Variants in LRP1B observed in about 807,000 individuals in gnomAD.
LRP1B encodes the protein low-density lipoprotein receptor-related protein 1B.
Under a neutral mutation model 556.6 loss-of-function variants are expected in LRP1B, and 217 were observed. The observed-to-expected ratio is 0.39, with a 90% CI of 0.35 to 0.44. LRP1B has a LOEUF of 0.44. Among genes scored for constraint, LRP1B ranks in the 20% least tolerant of loss-of-function variants. LRP1B has a pLI of 1.00. For synonymous variants in LRP1B, 2,047 were observed against 1,865.8 expected (o/e 1.10, Z -2.50); for missense variants, 5,053 against 5,620.8 (o/e 0.90, Z 3.23).
chr2:141,994,601 G>A (rs1458009762), intron 1 of LRP1B, among the ~76,000 whole-genome samples: 2 of 152,092 alleles, frequency 1.3e-5, no homozygotes, highest in Non-Finnish European at 2.9e-5. Context: ...AAGGAATGGT[G>A]AGTGCAAGAG....
intron 35 of LRP1B, among the ~76,000 whole-genome samples, chr2:140,747,100 G>A (rs1404174328): frequency 6.6e-6 from 1 of 152,132 alleles, no homozygotes; most frequent in Non-Finnish European, 1.5e-5. Context: ...TTCTATGGCT[G>A]TGTAATAAAC....
intron 1 of LRP1B, among the ~76,000 whole-genome samples, chr2:141,840,149 T>C (rs1003475682): frequency 1.3e-5 from 2 of 152,082 alleles, no homozygotes; most frequent in African/African-American, 4.8e-5. Flanking sequence ...TAAGGTAGAT[T>C]TGAAAACTGA....
intron 1 of LRP1B, among the ~76,000 whole-genome samples, chr2:141,896,665 T>C (rs1699461293): frequency 6.6e-6 from 1 of 152,202 alleles, no homozygotes; most frequent in South Asian, 2.1e-4. Flanking sequence ...GGCATCATAA[T>C]TAGCTGCCCA....
intron 2 of LRP1B, among the ~76,000 whole-genome samples, chr2:141,634,113 C>T (rs1689013698): frequency 6.6e-6 from 1 of 151,606 alleles, no homozygotes; most frequent in Non-Finnish European, 1.5e-5. Flanking sequence ...GGAAAATTAG[C>T]TCTGAGAGAC....
intron 1 of LRP1B, among the ~76,000 whole-genome samples, chr2:142,122,731 G>A (rs919701174): frequency 1.3e-5 from 2 of 152,124 alleles, no homozygotes; most frequent in African/African-American, 4.8e-5. Flanking sequence ...TCTCACTCAC[G>A]AGGTGGTGTC....
intron 3 of LRP1B, among the ~76,000 whole-genome samples, chr2:141,281,021 C>A (rs1228925323): frequency 3.3e-5 from 5 of 151,956 alleles, no homozygotes; most frequent in Admixed American, 6.6e-5. Context: ...TATTCATACT[C>A]AAAATACCAA....
At chr2:141,122,488 CA>C (rs1294405856) in intron 7 of LRP1B, among the ~76,000 whole-genome samples, 2 of 151,036 alleles carry the variant, frequency 1.3e-5, no homozygotes, top group Non-Finnish European at 2.9e-5. Flanking sequence ...AGCCAACAGA[CA>C]CATGAAAAAA....
chr2:140,354,898 T>A (rs1400282756), intron 75 of LRP1B, among the ~76,000 whole-genome samples: 1 of 152,044 alleles, frequency 6.6e-6, no homozygotes, highest in Non-Finnish European at 1.5e-5. Flanking sequence ...TCTTATGCAT[T>A]TTTTCAGATA....
chr2:140,963,118 T>G (rs973116188), intron 18 of LRP1B, among the ~76,000 whole-genome samples: 1 of 152,204 alleles, frequency 6.6e-6, no homozygotes, highest in African/African-American at 2.4e-5. Context: ...AGCTTCTGTT[T>G]TTAAAACCCC....
rs5834770 is a variant in LRP1B at position 140,716,833 on chromosome 2, G to GAA, written c.5759-19_5759-18dup. 1.0e-3 allele frequency: 1,441 copies of GAA among 1,434,956 alleles called. No homozygotes were observed. Among genetic ancestry groups the GAA allele is most frequent in the Non-Finnish European group, 1.2e-3 (1,226 of 1,033,736 alleles). 88.9% of individuals were successfully genotyped at this position (1,434,956 alleles called of 1,614,324 possible). A position where few individuals can be genotyped will look rare whatever the true frequency, so the allele number is the denominator to read the frequency against. ...TATCATTTTCTATGGATAAGACACA[G>GAA]AAAAAAAATACATATACACACACTG... On this transcript the variant is annotated splice_polypyrimidine_tract_variant and intron_variant, in intron 35 of 90. Transcript: ENST00000389484.
intron 33 of LRP1B, among the ~76,000 whole-genome samples, chr2:140,772,168 A>G (rs1047939536): frequency 6.6e-6 from 1 of 152,158 alleles, no homozygotes; most frequent in Non-Finnish European, 1.5e-5. Flanking sequence ...CATTTATCCT[A>G]TATAAACTAA....
chr2:140,875,913 G>T (rs2105172280), intron 25 of LRP1B, among the ~76,000 whole-genome samples: 1 of 152,170 alleles, frequency 6.6e-6, no homozygotes, highest in East Asian at 1.9e-4. Flanking sequence ...TGCCACAGAG[G>T]TAACAAATTT....
intron 6 of LRP1B, among the ~76,000 whole-genome samples, chr2:141,202,368 A>G (rs1682069543): frequency 6.6e-6 from 1 of 152,248 alleles, no homozygotes; most frequent in African/African-American, 2.4e-5. Context: ...ATAGTTCTGC[A>G]ATTAACATAC....
chr2:141,517,289 C>CACACACATACACA (rs71281834), intron 2 of LRP1B, among the ~76,000 whole-genome samples: 1 of 151,762 alleles, frequency 6.6e-6, no homozygotes. Context: ...CACACACACA[C>CACACACATACACA]CTTAAAATGG....
chr2:141,014,835 T>G (rs1445939155), intron 13 of LRP1B, among the ~76,000 whole-genome samples: 1 of 152,122 alleles, frequency 6.6e-6, no homozygotes, highest in Non-Finnish European at 1.5e-5. Context: ...CCAATTGTAC[T>G]TATTTGGAGA....
intron 2 of LRP1B, among the ~76,000 whole-genome samples, chr2:141,716,842 T>G (rs1370464796): frequency 1.3e-5 from 2 of 152,204 alleles, no homozygotes; most frequent in Non-Finnish European, 2.9e-5. Flanking sequence ...ATCTTTCCTG[T>G]GTCTACTAGT....
intron 7 of LRP1B, among the ~76,000 whole-genome samples, chr2:141,129,778 T>C (rs752825200): frequency 8.6e-5 from 1 of 11,604 alleles, no homozygotes; most frequent in Non-Finnish European, 1.9e-4. Context: ...GCAATATCCA[T>C]TTAATAAACA....
At chr2:140,292,423 CCTTTGCATATGCTGTTCCCT>C (rs1281878320) in intron 84 of LRP1B, among the ~76,000 whole-genome samples, 5 of 152,064 alleles carry the variant, frequency 3.3e-5, no homozygotes, top group African/African-American at 4.8e-5. Flanking sequence ...GAAGGCTTTC[CCTTTGCATATGCTGTTCCCT>C]CTTTGCATAT....
At chr2:140,980,350 C>T (rs1195218090) in intron 18 of LRP1B, among the ~76,000 whole-genome samples, 1 of 152,082 alleles carries the variant, frequency 6.6e-6, no homozygotes, top group African/African-American at 2.4e-5. Flanking sequence ...CAGACACAGC[C>T]AGATATAGGA....
Sources: gnomAD v4.1 joint callset for allele counts (sites outside exome capture counted in the v4.1 genomes callset) on GRCh38, gnomAD v4.1.1 for gene constraint, MANE v1.5 for transcripts, NCBI Gene and HGNC (gene_info 2026-07-23, HGNC 2026-07-21) for gene names.